The following ARFGEF1 variants were observed in gnomAD, a reference collection of about 807,000 sequenced individuals.
The protein encoded by ARFGEF1 is brefeldin A-inhibited guanine nucleotide-exchange protein 1.
A neutral mutation model predicts 231.0 loss-of-function variants in ARFGEF1; 42 were observed. That is an observed-to-expected ratio of 0.18 (90% CI 0.14 to 0.24). ARFGEF1 has a LOEUF of 0.24. Among genes scored for constraint, ARFGEF1 ranks in the 10% least tolerant of loss-of-function variants. The probability of loss-of-function intolerance (pLI) is 1.00; values close to 1 mark genes in which losing one functional copy is unlikely to be tolerated. For synonymous variants in ARFGEF1, 710 were observed against 732.3 expected, an observed-to-expected ratio of 0.97 and a Z score of 0.49; for missense variants, 1,345 against 2,192.0, an observed-to-expected ratio of 0.61 and a Z score of 7.72.
chr8:67,294,855 G>A (rs909609402), intron 5 of ARFGEF1, among the ~76,000 whole-genome samples: 14 of 152,052 alleles, frequency 9.2e-5, no homozygotes, highest in African/African-American at 3.4e-4. Context: ...CTCAGATTTT[G>A]GTTTCTAAAT....
intron 23 of ARFGEF1, among the ~76,000 whole-genome samples, chr8:67,230,137 AAAGAT>A (rs988914703): frequency 1.1e-4 from 17 of 152,154 alleles, no homozygotes; most frequent in Admixed American, 7.2e-4. Context: ...ATGCTCCACT[AAAGAT>A]AAGCCGTATG....
chr8:67,202,547 C>T (rs1216012471), intron 36 of ARFGEF1, among the ~76,000 whole-genome samples: 1 of 152,154 alleles, frequency 6.6e-6, no homozygotes, highest in African/African-American at 2.4e-5. Context: ...GTGTGAGTCA[C>T]CACAGCTGGC....
intron 4 of ARFGEF1, 98 bp downstream of exon 4, chr8:67,299,111 G>A (rs1806366461): frequency 2.6e-6 from 3 of 1,141,648 alleles, no homozygotes; most frequent in Non-Finnish European, 3.6e-6. Context: ...TAGCTGGAAT[G>A]CACATAAAAT....
chr8:67,201,172 A>G (rs1838313883), intron 37 of ARFGEF1, among the ~76,000 whole-genome samples: 1 of 152,226 alleles, frequency 6.6e-6, no homozygotes, highest in African/African-American at 2.4e-5. Flanking sequence ...ACTTATACAA[A>G]TGATCTGTAA....
chr8:67,250,567 T>C (rs528284741), intron 19 of ARFGEF1, among the ~76,000 whole-genome samples: 10 of 152,348 alleles, frequency 6.6e-5, no homozygotes, highest in African/African-American at 2.2e-4. Flanking sequence ...CCTGTAGTCA[T>C]CTTTTACTAC....
chr8:67,336,907 G>A (rs1808367619), intron 1 of ARFGEF1, among the ~76,000 whole-genome samples: 1 of 152,036 alleles, frequency 6.6e-6, no homozygotes, highest in Non-Finnish European at 1.5e-5. Context: ...AAGGCAGGAG[G>A]ATCACAAGGT....
At chr8:67,342,099 C>T (rs1418906541) in intron 1 of ARFGEF1, among the ~76,000 whole-genome samples, 1 of 152,132 alleles carries the variant, frequency 6.6e-6, no homozygotes, top group Non-Finnish European at 1.5e-5. Context: ...TTCAAGAATG[C>T]TTTTTTGTAA....
At chr8:67,230,876 T>C (rs1839531028) in intron 23 of ARFGEF1, among the ~76,000 whole-genome samples, 2 of 152,186 alleles carry the variant, frequency 1.3e-5, no homozygotes, top group East Asian at 1.9e-4. Context: ...ATTCTAATAA[T>C]ACAAGATTCC....
At chr8:67,215,875 G>A (rs1338318086) in intron 33 of ARFGEF1, among the ~76,000 whole-genome samples, 1 of 152,098 alleles carries the variant, frequency 6.6e-6, no homozygotes, top group African/African-American at 2.4e-5. Flanking sequence ...AGAATTCTTT[G>A]TACTGTTTTG....
In ARFGEF1 at chr8:67,198,975, A is replaced by T. The variant is rs754044082; in HGVS notation, c.5509T>A (p.Ser1837Thr). 4.3e-6 allele frequency: 7 copies of T among 1,613,048 alleles called. No homozygotes were observed. The African/African-American group carries it at 8.0e-5, about 18-fold the overall frequency. The change falls in exon 39 of 39, where the codon TCA (serine) becomes ACA (threonine). Residue 1837 changes from serine (S) to threonine (T), a missense_variant. Ser to Thr is a moderately conservative substitution (Grantham distance 58). This residue lies in a region of ARFGEF1 where 161 missense variants were observed against 284.9 expected (regional missense o/e 0.57). Coordinates refer to ENST00000262215, the MANE Select transcript of ARFGEF1 (RefSeq NM_006421.5). ...CCAAGTTCCTGTTCAGGTGGTTGTG[A>T]TATCTGAAAAACTACTCCGATTCGC... ...FLRIGVVFQISQPPEQELGIN... is the reference protein window; with the variant it reads ...FLRIGVVFQITQPPEQELGIN...
intron 30 of ARFGEF1, 95 bp from the exon 31 acceptor site, chr8:67,218,233 T>TATATATATAA (rs1434229530): frequency 4.3e-6 from 1 of 234,592 alleles, no homozygotes; most frequent in East Asian, 1.2e-4. Context: ...TATATATATA[T>TATATATATAA]AAATGTTTTC....
chr8:67,320,554 C>A (rs745504272), intron 1 of ARFGEF1, among the ~76,000 whole-genome samples: 1 of 152,190 alleles, frequency 6.6e-6, no homozygotes, highest in Non-Finnish European at 1.5e-5. Context: ...AAAATCTGTA[C>A]ATGAATATTT....
rs758024350 is a variant in ARFGEF1 at position 67,343,168 on chromosome 8, C to T, written c.120G>A (p.Ala40=). The stretch of plus-strand genomic sequence containing the variant: ...CCGGGCCTCCTCCCCGCTCACCTAA[C>T]GCCACCTCGCAAGCTTTGCGCAGCT... ...HSQLRKACEV[A]LEEIKAETEK... The change falls in exon 1 of 39, where the codon GCG becomes GCA. Residue 40 remains alanine (A), a synonymous_variant. Coordinates refer to ENST00000262215, the MANE Select transcript of ARFGEF1 (RefSeq NM_006421.5). 1 of 1,573,474 alleles carries T rather than the reference C, an allele frequency of 6.4e-7. No individual in the cohort carries two copies. The highest frequency in any genetic ancestry group is 1.1e-5 in the South Asian group (1 of 90,220).
At chr8:67,264,612 C>A (rs1563873675) in intron 14 of ARFGEF1, among the ~76,000 whole-genome samples, 1 of 151,930 alleles carries the variant, frequency 6.6e-6, no homozygotes, top group East Asian at 1.9e-4. Flanking sequence ...ACGGCATAGT[C>A]AAAAAGGTAG....
chr8:67,225,973 AAATTGGAAAG>A, intron 28 of ARFGEF1, 40 bp downstream of exon 28: 1 of 1,486,836 alleles, frequency 6.7e-7, no homozygotes, highest in African/African-American at 1.4e-5. Flanking sequence ...TTAAGATTTC[AAATTGGAAAG>A]AATACTCTGC....
chr8:67,204,855 A>G, intron 34 of ARFGEF1, 36 bp from the exon 35 acceptor site: 1 of 1,608,938 alleles, frequency 6.2e-7, no homozygotes, highest in South Asian at 1.1e-5. Context: ...CATGCAAACA[A>G]AAAATTATTT....
At chr8:67,252,464 T>C (rs927417257) in intron 18 of ARFGEF1, among the ~76,000 whole-genome samples, 2 of 152,012 alleles carry the variant, frequency 1.3e-5, no homozygotes, top group Non-Finnish European at 2.9e-5. Context: ...TACCACCATA[T>C]ATAAAATAGG....
intron 7 of ARFGEF1, among the ~76,000 whole-genome samples, chr8:67,281,112 A>G (rs1277104522): frequency 1.3e-5 from 2 of 152,086 alleles, no homozygotes; most frequent in Non-Finnish European, 2.9e-5. Context: ...AGTAGAATGG[A>G]TATTACTAAA....
At chr8:67,293,629 G>A (rs1048932682) in intron 5 of ARFGEF1, among the ~76,000 whole-genome samples, 4 of 152,140 alleles carry the variant, frequency 2.6e-5, no homozygotes, top group Non-Finnish European at 4.4e-5. Flanking sequence ...AGGACATACT[G>A]CTCAATGATA....
Sources: gnomAD v4.1 joint callset for allele counts (sites outside exome capture counted in the v4.1 genomes callset) on GRCh38, gnomAD v4.1.1 for gene constraint, gnomAD v4.1.1 regional missense constraint, MANE v1.5 for transcripts, NCBI Gene and HGNC (gene_info 2026-07-23, HGNC 2026-07-21) for gene names.